Variants in EPHA6 observed in about 807,000 individuals in gnomAD.
EPHA6 encodes ephrin type-A receptor 6.
A neutral mutation model predicts 112.0 loss-of-function variants in EPHA6; 50 were observed. The ratio of observed to expected loss-of-function variants is 0.45; its 90% CI spans 0.36 to 0.56. EPHA6 has a LOEUF of 0.56. Among genes scored for constraint, EPHA6 ranks in the 20% least tolerant of loss-of-function variants. The pLI, the probability that EPHA6 is intolerant of heterozygous loss-of-function variation, is 0.00. For missense variants in EPHA6, 1,280 were observed against 1,417.4 expected (o/e 0.90, Z 1.56); for synonymous variants, 529 against 490.7 (o/e 1.08, Z -1.03).
intron 3 of EPHA6, among the ~76,000 whole-genome samples, chr3:97,031,318 T>TGAA (rs1357359386): frequency 6.6e-6 from 1 of 152,104 alleles, no homozygotes; most frequent in Admixed American, 6.6e-5. Context: ...AAGACTTAAA[T>TGAA]GTTAGACGTA....
At chr3:97,330,410 A>C (rs1254408254) in intron 5 of EPHA6, among the ~76,000 whole-genome samples, 1 of 152,042 alleles carries the variant, frequency 6.6e-6, no homozygotes, top group Non-Finnish European at 1.5e-5. Context: ...ACCTTGGGCA[A>C]TATGGCCATT....
At chr3:97,713,374 A>G (rs2107770680) in intron 14 of EPHA6, among the ~76,000 whole-genome samples, 1 of 152,318 alleles carries the variant, frequency 6.6e-6, no homozygotes, top group South Asian at 2.1e-4. Flanking sequence ...GATCCTCAGC[A>G]CACATAATGA....
intron 5 of EPHA6, among the ~76,000 whole-genome samples, chr3:97,396,732 G>A (rs759855201): frequency 1.3e-5 from 2 of 151,570 alleles, no homozygotes; most frequent in Admixed American, 6.6e-5. Context: ...TTAAAATAAA[G>A]ACAGTCTCCA....
At chr3:97,217,534 C>G (rs1166036025) in intron 3 of EPHA6, among the ~76,000 whole-genome samples, 2 of 152,102 alleles carry the variant, frequency 1.3e-5, no homozygotes, top group Non-Finnish European at 2.9e-5. Flanking sequence ...GTATGTGCTG[C>G]TTCCAAGAAA....
chr3:97,497,772 G>C (rs1361640172), intron 10 of EPHA6, among the ~76,000 whole-genome samples: 1 of 151,936 alleles, frequency 6.6e-6, no homozygotes, highest in Non-Finnish European at 1.5e-5. Flanking sequence ...GGGGTTAATT[G>C]CTGTGATGGA....
chr3:97,213,782 G>A (rs2077947126), intron 3 of EPHA6, among the ~76,000 whole-genome samples: 1 of 152,108 alleles, frequency 6.6e-6, no homozygotes, highest in African/African-American at 2.4e-5. Context: ...AGGATGCCAT[G>A]TGCTTACTCT....
At chr3:97,231,440 T>C (rs1576732133) in intron 4 of EPHA6, among the ~76,000 whole-genome samples, 2 of 152,326 alleles carry the variant, frequency 1.3e-5, no homozygotes, top group East Asian at 1.9e-4. Context: ...GAATGTTTAC[T>C]GATATGAACT....
chr3:97,337,972 A>G (rs1432520419), intron 5 of EPHA6, among the ~76,000 whole-genome samples: 1 of 152,070 alleles, frequency 6.6e-6, no homozygotes, highest in Non-Finnish European at 1.5e-5. Context: ...ATTAGAGATA[A>G]CTCTCAGATT....
chr3:96,879,771 A>G (rs1046570177), intron 2 of EPHA6, among the ~76,000 whole-genome samples: 10 of 152,092 alleles, frequency 6.6e-5, no homozygotes, highest in Admixed American at 6.6e-5. Context: ...TGTAGCTATT[A>G]TAAAAGGGAT....
intron 11 of EPHA6, among the ~76,000 whole-genome samples, chr3:97,544,415 A>C (rs1238565872): frequency 6.6e-6 from 1 of 152,094 alleles, no homozygotes. Context: ...CGTATGTTGA[A>C]CCAGCCTTGC....
At chr3:97,157,738 A>G (rs894912113) in intron 3 of EPHA6, among the ~76,000 whole-genome samples, 2 of 152,136 alleles carry the variant, frequency 1.3e-5, no homozygotes, top group African/African-American at 4.8e-5. Flanking sequence ...TCCCAGCTCA[A>G]TCAGTAAGGC....
At chr3:97,075,369 T>C (rs1251361814) in intron 3 of EPHA6, among the ~76,000 whole-genome samples, 1 of 152,092 alleles carries the variant, frequency 6.6e-6, no homozygotes, top group Non-Finnish European at 1.5e-5. Context: ...GTTTAAACTT[T>C]GACTTTTGTC....
intron 11 of EPHA6, among the ~76,000 whole-genome samples, chr3:97,575,879 G>A (rs1268147327): frequency 5.9e-5 from 9 of 152,166 alleles, no homozygotes; most frequent in Non-Finnish European, 8.8e-5. Context: ...TGTAATTGTA[G>A]TGAAGATAGA....
intron 13 of EPHA6, among the ~76,000 whole-genome samples, chr3:97,624,751 GT>G (rs1176827602): frequency 6.6e-6 from 1 of 151,364 alleles, no homozygotes; most frequent in Non-Finnish European, 1.5e-5. Flanking sequence ...GTCTATTCAG[GT>G]TTTTTATTTC....
chr3:97,016,365 A>T (rs1387505425), intron 3 of EPHA6, among the ~76,000 whole-genome samples: 2 of 152,162 alleles, frequency 1.3e-5, no homozygotes, highest in Non-Finnish European at 2.9e-5. Context: ...CAGAATCTCC[A>T]CTTTAAATTC....
At chr3:97,565,282 T>G (rs1440937280) in intron 11 of EPHA6, among the ~76,000 whole-genome samples, 1 of 152,066 alleles carries the variant, frequency 6.6e-6, no homozygotes, top group Non-Finnish European at 1.5e-5. Context: ...AAAGCAATTA[T>G]GCATTTGTAG....
chr3:97,439,851 G>T (rs2090041902), intron 6 of EPHA6, among the ~76,000 whole-genome samples: 1 of 152,116 alleles, frequency 6.6e-6, no homozygotes, highest in African/African-American at 2.4e-5. Context: ...TGAGCTGAAA[G>T]GTATCCTAAT....
chr3:97,052,631 T>A (rs1342075829), intron 3 of EPHA6, among the ~76,000 whole-genome samples: 1 of 152,070 alleles, frequency 6.6e-6, no homozygotes, highest in Admixed American at 6.6e-5. Context: ...TTGAACTGGT[T>A]TATTAAGAAG....
At chr3:97,342,197 A>G (rs2083339291) in intron 5 of EPHA6, among the ~76,000 whole-genome samples, 3 of 152,188 alleles carry the variant, frequency 2.0e-5, no homozygotes, top group Admixed American at 6.5e-5. Context: ...CATAGCAAAT[A>G]TGGCTTCTGT....
Sources: gnomAD v4.1 joint callset for allele counts (sites outside exome capture counted in the v4.1 genomes callset) on GRCh38, gnomAD v4.1.1 for gene constraint, MANE v1.5 for transcripts, NCBI Gene and HGNC (gene_info 2026-07-23, HGNC 2026-07-21) for gene names.